ADARB2: variants seen among roughly 807,000 people sequenced by gnomAD.
ADARB2 encodes the protein inactive double-stranded RNA-specific editase B2.
ADARB2 carries 25 observed loss-of-function variants against 62.2 expected under a neutral mutation model. The ratio of observed to expected loss-of-function variants is 0.40; its 90% CI spans 0.29 to 0.56. The LOEUF is 0.56. Ranked by LOEUF, ADARB2 falls within the 20% of genes least tolerant of loss-of-function variation. ADARB2 has a pLI of 0.43. For synonymous variants in ADARB2, 572 were observed against 500.8 expected (o/e 1.14, Z -1.90); for missense variants, 1,071 against 1,077.4 (o/e 0.99, Z 0.08).
At chr10:1,371,024 A>G (rs557774265) in intron 2 of ADARB2, among the ~76,000 whole-genome samples, 1 of 152,386 alleles carries the variant, frequency 6.6e-6, no homozygotes, top group African/African-American at 2.4e-5. Context: ...ACAGATCCAG[A>G]TGTATCACAT....
intron 1 of ADARB2, among the ~76,000 whole-genome samples, chr10:1,532,717 G>T (rs1390039761): frequency 6.6e-6 from 1 of 152,164 alleles, no homozygotes; most frequent in African/African-American, 2.4e-5. Flanking sequence ...TTCTTTAGGG[G>T]GATGTGACCG....
intron 1 of ADARB2, among the ~76,000 whole-genome samples, chr10:1,576,519 A>G (rs1046588674): frequency 2.0e-5 from 3 of 152,084 alleles, no homozygotes; most frequent in Admixed American, 2.0e-4. Context: ...GCAGGAGCCG[A>G]GAGGACTGAG....
At chr10:1,639,175 C>A (rs1431771344) in intron 1 of ADARB2, among the ~76,000 whole-genome samples, 1 of 152,242 alleles carries the variant, frequency 6.6e-6, no homozygotes, top group Admixed American at 6.5e-5. Context: ...GCCTGCCAAG[C>A]CTGTCCTGGA....
intron 1 of ADARB2, among the ~76,000 whole-genome samples, chr10:1,411,119 A>T (rs7098626): frequency 0.18 from 27,228 of 152,110 alleles, 2,938 homozygotes; most frequent in East Asian, 0.44. Flanking sequence ...GGCCATCCAG[A>T]CACGGCCTTA....
intron 1 of ADARB2, among the ~76,000 whole-genome samples, chr10:1,546,589 C>T (rs2131973646): frequency 6.6e-6 from 1 of 152,352 alleles, no homozygotes; most frequent in East Asian, 1.9e-4. Flanking sequence ...TCTCCGTGTC[C>T]TGGGTCTCAT....
intron 2 of ADARB2, among the ~76,000 whole-genome samples, chr10:1,370,800 T>C (rs536069910): frequency 7.9e-5 from 12 of 152,270 alleles, no homozygotes; most frequent in African/African-American, 2.9e-4. Flanking sequence ...TGAAAGAAAT[T>C]GTAGACACAA....
chr10:1,581,278 G>A lies in ADARB2; in HGVS notation c.100+155773C>T, dbSNP rs552047122. On this transcript the variant is annotated intron_variant, in intron 1 of 9. Coordinates refer to ENST00000381312, the MANE Select transcript of ADARB2 (RefSeq NM_018702.4). ...CTTAAACCCATCAGACGTTCCGCTCGTGGGAGCTTTCCCTGTGACAGCTAC... is the reference window on the plus strand; with the variant it reads ...CTTAAACCCATCAGACGTTCCGCTCATGGGAGCTTTCCCTGTGACAGCTAC... Among the ~76,000 whole-genome samples the A allele has an allele frequency of 5.9e-5, 9 of 152,342 alleles. No homozygotes were observed. In the South Asian group the frequency reaches 8.3e-4, roughly 14 times the overall value.
At chr10:1,562,023 C>A in intron 1 of ADARB2, among the ~76,000 whole-genome samples, 1 of 152,204 alleles carries the variant, frequency 6.6e-6, no homozygotes, top group East Asian at 1.9e-4. Context: ...GAGCTCATCG[C>A]CTCCCAGGAG....
chr10:1,647,841 CATGTGTGTAT>C (rs1834065159), intron 1 of ADARB2, among the ~76,000 whole-genome samples: 1 of 150,754 alleles, frequency 6.6e-6, no homozygotes, highest in African/African-American at 2.4e-5. Context: ...TGTATATATG[CATGTGTGTAT>C]ATGTGTATGT....
rs531919122 is a variant in ADARB2 at position 1,321,032 on chromosome 10, T to C, written c.1077+41996A>G. Among the ~76,000 whole-genome samples, 13 of 152,340 alleles carry C rather than the reference T, an allele frequency of 8.5e-5. No individual in the cohort carries two copies. The East Asian group carries it at 2.3e-3, about 27-fold the overall frequency. On this transcript the variant is annotated intron_variant, in intron 3 of 9. Transcript: ENST00000381312. Reference sequence around the variant, plus strand: ...TGATGACATTAGAATGTAAAGTTCCTACAACCTAAACAACAGGTTTCATTC... The same window carrying C: ...TGATGACATTAGAATGTAAAGTTCCCACAACCTAAACAACAGGTTTCATTC...
intron 1 of ADARB2, among the ~76,000 whole-genome samples, chr10:1,608,247 T>C (rs1833518581): frequency 6.6e-6 from 1 of 152,218 alleles, no homozygotes; most frequent in Admixed American, 6.5e-5. Context: ...CCTTTTGCAT[T>C]TGCCTCACAG....
chr10:1,438,901 A>G (rs1469168633), intron 1 of ADARB2, among the ~76,000 whole-genome samples: 12 of 18,416 alleles, frequency 6.5e-4, no homozygotes, highest in Non-Finnish European at 9.3e-4. Flanking sequence ...GGGGCTCCTG[A>G]GTCTCTGCCA....
rs543421534 is a variant in ADARB2 at position 1,273,390 on chromosome 10, C to T, written c.1078-2321G>A. Among the ~76,000 whole-genome samples, 11 of 152,266 alleles carry T rather than the reference C, an allele frequency of 7.2e-5. No individual in the cohort carries two copies. The East Asian group carries it at 1.4e-3, about 19-fold the overall frequency. Reference sequence around the variant, plus strand: ...ATCCTCTCACCTCAGCCTCCCAAAGCGCTAGGATTACAGGCTCCAGCCACT... The same window carrying T: ...ATCCTCTCACCTCAGCCTCCCAAAGTGCTAGGATTACAGGCTCCAGCCACT... On this transcript the variant is annotated intron_variant, in intron 3 of 9. Transcript: ENST00000381312.
chr10:1,341,195 A>C (rs1049338009), intron 3 of ADARB2, among the ~76,000 whole-genome samples: 3 of 152,094 alleles, frequency 2.0e-5, no homozygotes, highest in Non-Finnish European at 4.4e-5. Context: ...CAGCGGCAAT[A>C]ACCAGCATCC....
At position 1,363,833 on chromosome 10, in the gene ADARB2, C is replaced by A; in HGVS notation, c.272G>T (p.Gly91Val). The change falls in exon 3 of 10, where the codon GGC becomes GTC. Residue 91 changes from glycine (G) to valine (V), a missense_variant. By Grantham distance (109) the Gly-to-Val change is moderately radical. Coordinates refer to ENST00000381312, the MANE Select transcript of ADARB2 (RefSeq NM_018702.4). Reference protein sequence around the residue: ...RPPPSGDRARGGAPGAKRKRP... With the variant: ...RPPPSGDRARVGAPGAKRKRP... ...CTTCCTCTTCGCGCCGGGCGCGCCGCCCCGGGCCCGGTCCCCGGAGGGCGG... is the reference window on the plus strand; with the variant it reads ...CTTCCTCTTCGCGCCGGGCGCGCCGACCCGGGCCCGGTCCCCGGAGGGCGG... 1 of 1,566,176 alleles carries A rather than the reference C, an allele frequency of 6.4e-7. No homozygotes were observed. Among genetic ancestry groups the A allele is most frequent in the Non-Finnish European group, 8.6e-7 (1 of 1,163,666 alleles).
chr10:1,194,396 C>T (rs924000315), intron 8 of ADARB2, among the ~76,000 whole-genome samples: 10 of 152,172 alleles, frequency 6.6e-5, no homozygotes, highest in East Asian at 1.9e-4. Context: ...TCCAGCTTGC[C>T]GGCCTGCCCT....
chr10:1,630,453 G>A (rs1833828553), intron 1 of ADARB2, among the ~76,000 whole-genome samples: 1 of 152,104 alleles, frequency 6.6e-6, no homozygotes, highest in African/African-American at 2.4e-5. Context: ...CTTACCCTGT[G>A]CCCTGGTTAC....
chr10:1,688,065 A>G (rs751931210), intron 1 of ADARB2, among the ~76,000 whole-genome samples: 5 of 152,226 alleles, frequency 3.3e-5, no homozygotes, highest in African/African-American at 4.8e-5. Context: ...ATTTTAAGTA[A>G]AACAATATAA....
chr10:1,636,229 C>A (rs1833916023), intron 1 of ADARB2, among the ~76,000 whole-genome samples: 1 of 152,166 alleles, frequency 6.6e-6, no homozygotes. Context: ...TTAAAAAGTA[C>A]TAAAGAGCCA....
Sources: gnomAD v4.1 joint callset for allele counts (sites outside exome capture counted in the v4.1 genomes callset) on GRCh38, gnomAD v4.1.1 for gene constraint, MANE v1.5 for transcripts, NCBI Gene and HGNC (gene_info 2026-07-23, HGNC 2026-07-21) for gene names.